The following DNAH9 variants were observed in gnomAD, a reference collection of about 807,000 sequenced individuals.
DNAH9 encodes dynein axonemal heavy chain 9.
Under a neutral mutation model 471.6 loss-of-function variants are expected in DNAH9, and 345 were observed. That is an observed-to-expected ratio of 0.73 (90% confidence interval 0.67 to 0.80). DNAH9 has a LOEUF of 0.80. DNAH9 is among the 30% of genes least tolerant of loss of function. DNAH9 has a pLI of 0.00. For synonymous variants in DNAH9, 2,093 were observed against 2,123.6 expected, an observed-to-expected ratio of 0.99 and a Z score of 0.40; for missense variants, 5,407 against 5,609.2, an observed-to-expected ratio of 0.96 and a Z score of 1.15.
intron 36 of DNAH9, among the ~76,000 whole-genome samples, chr17:11,766,831 A>T (rs759083365): frequency 1.3e-5 from 2 of 152,072 alleles, no homozygotes; most frequent in Non-Finnish European, 2.9e-5. Context: ...GGGCTTGGGC[A>T]TGGTGGCGGG....
At chr17:11,604,129 TCTC>T (rs1205150310) in intron 1 of DNAH9, among the ~76,000 whole-genome samples, 5 of 151,898 alleles carry the variant, frequency 3.3e-5, no homozygotes, top group African/African-American at 4.8e-5. Context: ...TTCAAGCAAT[TCTC>T]CTGCCTCAGC....
At chr17:11,679,053 G>A (rs1172175112) in intron 17 of DNAH9, among the ~76,000 whole-genome samples, 1 of 151,980 alleles carries the variant, frequency 6.6e-6, no homozygotes, top group Non-Finnish European at 1.5e-5. Flanking sequence ...CTCAGTTATT[G>A]TATAATTTTG....
intron 43 of DNAH9, 52 bp downstream of exon 43, chr17:11,797,845 A>G (rs1969302204): frequency 6.4e-7 from 1 of 1,561,734 alleles, no homozygotes; most frequent in Non-Finnish European, 8.7e-7. Context: ...CTTCCCAATG[A>G]CAGGGGTCTC....
chr17:11,650,457 G>A lies in DNAH9; in HGVS notation c.2098-612G>A, dbSNP rs977517697. Among the ~76,000 whole-genome samples the A allele has an allele frequency of 4.6e-5, 7 of 152,190 alleles. No individual in the cohort carries two copies. The East Asian group carries it at 5.8e-4, about 13-fold the overall frequency. ...ATTTGGGACCCCACAGAAGTTCAAC[G>A]CAGCCTGGATGAGTTCCATTTCCTG... On this transcript the variant is annotated intron_variant, in intron 12 of 68. Transcript: ENST00000262442.
In DNAH9 at chr17:11,727,907, A is replaced by G; in HGVS notation, c.5799A>G (p.Ser1933=). The G allele has an allele frequency of 6.2e-7, 1 of 1,613,160 alleles. No individual in the cohort carries two copies. Among genetic ancestry groups the G allele is most frequent in the South Asian group, 1.1e-5 (1 of 91,064 alleles). ...ATCGAATCTCCGTGGAGGTCTTGTCAGTGGTGGCAGTGCAGGTAAGGGCCA... is the reference window on the plus strand; with the variant it reads ...ATCGAATCTCCGTGGAGGTCTTGTCGGTGGTGGCAGTGCAGGTAAGGGCCA... The part of the protein sequence containing the change: ...EFNRISVEVL[S]VVAVQVKSIQ... The change falls in exon 28 of 69, where the codon TCA becomes TCG. Residue 1933 remains serine (S), a synonymous_variant. Transcript: ENST00000262442.
At chr17:11,864,387 T>G (rs1971967900) in intron 50 of DNAH9, among the ~76,000 whole-genome samples, 1 of 152,102 alleles carries the variant, frequency 6.6e-6, no homozygotes, top group African/African-American at 2.4e-5. Flanking sequence ...GTCTGAGAGA[T>G]AGTTTGTTAT....
intron 26 of DNAH9, among the ~76,000 whole-genome samples, chr17:11,715,195 T>G (rs1457270184): frequency 6.6e-6 from 1 of 152,192 alleles, no homozygotes; most frequent in African/African-American, 2.4e-5. Context: ...TATCTTCCAG[T>G]TGAATATCTG....
chr17:11,737,251 A>G (rs962492239), intron 28 of DNAH9, among the ~76,000 whole-genome samples: 1 of 152,220 alleles, frequency 6.6e-6, no homozygotes, highest in Non-Finnish European at 1.5e-5. Flanking sequence ...TCCTAATTGT[A>G]GAACTGTCAT....
chr17:11,888,240 T>TC (rs1173706624), intron 57 of DNAH9, among the ~76,000 whole-genome samples: 23 of 152,066 alleles, frequency 1.5e-4, no homozygotes, highest in Non-Finnish European at 2.6e-4. Flanking sequence ...CGCCTCGGCC[T>TC]CCAAAGTGCT....
intron 25 of DNAH9, among the ~76,000 whole-genome samples, chr17:11,704,677 G>A (rs1031880669): frequency 4.0e-5 from 6 of 151,042 alleles, no homozygotes; most frequent in Non-Finnish European, 7.4e-5. Flanking sequence ...TCCACCTCTC[G>A]GGTTCAAGTG....
intron 61 of DNAH9, among the ~76,000 whole-genome samples, chr17:11,913,345 C>G (rs62061967): frequency 0.18 from 27,381 of 152,026 alleles, 2,736 homozygotes; most frequent in African/African-American, 0.26. Context: ...CTTTGAGTCA[C>G]TTACCATAAT....
rs1479455875 is a variant in DNAH9, at chr17:11,937,248, A to AG, written c.12490-102dup. The AG allele has an allele frequency of 2.9e-5, 40 of 1,371,440 alleles. No homozygotes were observed. Among genetic ancestry groups the AG allele is most frequent in the Admixed American group, 1.8e-4 (8 of 44,596 alleles). 85.0% of individuals were successfully genotyped at this position (1,371,440 alleles called of 1,614,324 possible). ...AGGGATGGTGAGCAGTGTCCCCTGG[A>AG]GGAGGGATACTAGCCCATGGACTCC... On this transcript the variant is annotated intron_variant, in intron 65 of 68. Transcript: ENST00000262442. The surrounding 1 kb of genome is among the most constrained non-coding windows in gnomAD (Gnocchi z 4.1).
At chr17:11,858,373 G>A (rs1971701858) in intron 50 of DNAH9, among the ~76,000 whole-genome samples, 1 of 152,192 alleles carries the variant, frequency 6.6e-6, no homozygotes, top group African/African-American at 2.4e-5. Flanking sequence ...TCTATTTGCA[G>A]ATGATTTAAT....
chr17:11,643,679 G>GATCAACACGCTCTATA lies in DNAH9; in HGVS notation c.1902-937_1902-936insAATCAACACGCTCTAT, dbSNP rs2073322399. Among the ~76,000 whole-genome samples, 6 of 152,234 alleles carry GATCAACACGCTCTATA rather than the reference G, an allele frequency of 3.9e-5. No individual in the cohort carries two copies. In the South Asian group the frequency reaches 1.2e-3, roughly 32 times the overall value. ...TTAGCCTAGGAGCAATACGCTCTAT[G>GATCAACACGCTCTATA]ATCAACACGCTCTATGATCAATATG... On this transcript the variant is annotated intron_variant, in intron 10 of 68. Coordinates refer to ENST00000262442, the MANE Select transcript of DNAH9 (RefSeq NM_001372.4).
chr17:11,969,137 A>G (rs1976987647), intron 68 of DNAH9, among the ~76,000 whole-genome samples, 163 bp from the exon 69 acceptor site: 1 of 152,192 alleles, frequency 6.6e-6, no homozygotes, highest in Admixed American at 6.5e-5. Flanking sequence ...TACATATCAG[A>G]TGCATTCCAT....
At chr17:11,648,979 TA>T (rs997625805) in intron 12 of DNAH9, among the ~76,000 whole-genome samples, 3 of 151,890 alleles carry the variant, frequency 2.0e-5, no homozygotes, top group Admixed American at 1.3e-4. Flanking sequence ...TACAAAAAAT[TA>T]GCCAGGCGTA....
Position 11,613,657 on chromosome 17 carries a change from A to G in DNAH9, c.904+1877A>G, listed in dbSNP as rs182913007. Among the ~76,000 whole-genome samples the G allele has an allele frequency of 4.6e-5, 7 of 152,308 alleles. No homozygotes were observed. In the East Asian group the frequency reaches 1.2e-3, roughly 25 times the overall value. On this transcript the variant is annotated intron_variant, in intron 4 of 68. Coordinates refer to ENST00000262442, the MANE Select transcript of DNAH9 (RefSeq NM_001372.4). ...GAGGGTAATAGCCCTGGTTTTTGCA[A>G]GTGATACCAGCTTTCCATTTATGGT... is the stretch of plus-strand genomic sequence containing the variant.
At chr17:11,895,453 T>C (rs1258309105) in intron 59 of DNAH9, among the ~76,000 whole-genome samples, 1 of 152,246 alleles carries the variant, frequency 6.6e-6, no homozygotes, top group Non-Finnish European at 1.5e-5. Context: ...AGTAATATGA[T>C]TGGCTTTCTT....
chr17:11,744,833 G>T lies in DNAH9; in HGVS notation c.6148G>T (p.Val2050Leu), dbSNP rs191995793. The change falls in exon 31 of 69, where the codon GTG becomes TTG. Residue 2050 changes from valine (V) to leucine (L), a missense_variant. This residue lies in a region of DNAH9 where 4,636 missense variants were observed against 4,900.3 expected (regional missense o/e 0.95). Coordinates refer to ENST00000262442, the MANE Select transcript of DNAH9 (RefSeq NM_001372.4). ...YDWGLRAIKSVLVVAGSLKRG... is the reference protein window; with the variant it reads ...YDWGLRAIKSLLVVAGSLKRG... Reference sequence around the variant, plus strand: ...CTGGGGCCTACGGGCCATCAAGTCCGTGCTGGTGGTGGCAGGATCCCTGAA... The same window carrying T: ...CTGGGGCCTACGGGCCATCAAGTCCTTGCTGGTGGTGGCAGGATCCCTGAA... 1 of 1,613,964 alleles carries T rather than the reference G, an allele frequency of 6.2e-7. No individual in the cohort carries two copies. Among genetic ancestry groups the T allele is most frequent in the Non-Finnish European group, 8.5e-7 (1 of 1,179,966 alleles).
Sources: allele counts gnomAD v4.1 joint callset (sites outside exome capture counted in the v4.1 genomes callset), GRCh38; gene constraint gnomAD v4.1.1; regional missense constraint gnomAD v4.1.1; non-coding constraint Gnocchi (gnomAD v3.1); transcripts MANE v1.5; gene names NCBI Gene and HGNC (gene_info 2026-07-23, HGNC 2026-07-21).